The following COLGALT1 variants were observed in gnomAD, a reference collection of about 807,000 sequenced individuals.
The protein encoded by COLGALT1 is procollagen galactosyltransferase 1.
COLGALT1 carries 43 observed loss-of-function variants against 60.8 expected under a neutral mutation model. That is an observed-to-expected ratio of 0.71 (90% CI 0.55 to 0.91). The LOEUF is 0.91. COLGALT1 is among the 40% of genes least tolerant of loss of function. The pLI, the probability that COLGALT1 is intolerant of heterozygous loss-of-function variation, is 0.00. For missense variants in COLGALT1, 845 were observed against 880.0 expected, an observed-to-expected ratio of 0.96 and a Z score of 0.50; for synonymous variants, 369 against 374.2, an observed-to-expected ratio of 0.99 and a Z score of 0.16.
At chr19:17,565,686 A>G (rs2076276253) in intron 3 of COLGALT1, among the ~76,000 whole-genome samples, 1 of 152,112 alleles carries the variant, frequency 6.6e-6, no homozygotes, top group South Asian at 2.1e-4. Flanking sequence ...AAACAAACAA[A>G]CAAAGAAGCT....
chr19:17,558,534 TG>T (rs1440547288), intron 1 of COLGALT1, among the ~76,000 whole-genome samples: 1 of 150,332 alleles, frequency 6.7e-6, no homozygotes, highest in African/African-American at 2.4e-5. Context: ...AAAAATTAGC[TG>T]GGCATGGTGG....
chr19:17,568,596 T>G lies in COLGALT1; in HGVS notation c.712T>G (p.Phe238Val). The G allele has an allele frequency of 6.2e-7, 1 of 1,614,198 alleles. No individual in the cohort carries two copies. The highest frequency in any genetic ancestry group is 8.5e-7 in the Non-Finnish European group (1 of 1,180,026). ...TGCAGTTCCCATGGTGCACTCGACC[T>G]TCCTGATCGACCTGCGGAAGGCGGC... ...CFAVPMVHSTFLIDLRKAASR... is the reference protein window; with the variant it reads ...CFAVPMVHSTVLIDLRKAASR... Residue 238 changes from phenylalanine to valine, a missense_variant, in exon 5 of 12, where the codon TTC (phenylalanine) becomes GTC (valine). Coordinates refer to ENST00000252599, the MANE Select transcript of COLGALT1 (RefSeq NM_024656.4).
At chr19:17,576,809 GTTGAAGCTGTAGCCTGGGGTGTGGC>G (rs2076344650) in intron 6 of COLGALT1, among the ~76,000 whole-genome samples, 2 of 147,036 alleles carry the variant, frequency 1.4e-5, no homozygotes, top group Non-Finnish European at 1.5e-5. Context: ...TGGGGGGCAG[GTTGAAGCTGTAGCCTGGGGTGTGGC>G]CAGGGCTTAG....
rs775298201 is a variant in COLGALT1 at position 17,568,710 on chromosome 19, G to A, written c.826G>A (p.Ala276Thr). 11 of 1,614,168 alleles carry A rather than the reference G, an allele frequency of 6.8e-6. No homozygotes were observed. Among genetic ancestry groups the A allele is most frequent in the Non-Finnish European group, 9.3e-6 (11 of 1,180,028 alleles). Reference protein sequence around the residue: ...IIVFAFSCKQAEVQMYVCNKE... With the variant: ...IIVFAFSCKQTEVQMYVCNKE... ...CGTCTTTGCCTTCTCCTGCAAGCAGGCAGGTACGTACATGAGGGGTCTGCC... is the reference window on the plus strand; with the variant it reads ...CGTCTTTGCCTTCTCCTGCAAGCAGACAGGTACGTACATGAGGGGTCTGCC... Residue 276 changes from alanine (A) to threonine (T), a missense_variant, in exon 5 of 12, where the codon GCA becomes ACA. Coordinates refer to ENST00000252599, the MANE Select transcript of COLGALT1 (RefSeq NM_024656.4).
intron 1 of COLGALT1, among the ~76,000 whole-genome samples, chr19:17,557,829 C>T (rs772759038): frequency 1.7e-4 from 25 of 151,414 alleles, no homozygotes; most frequent in Non-Finnish European, 2.7e-4. Context: ...CTCGAACTCC[C>T]GAGCTCAAGT....
At position 17,560,462 on chromosome 19, in the gene COLGALT1, C is replaced by G; in HGVS notation, c.486C>G (p.Ile162Met). The G allele has an allele frequency of 6.2e-7, 1 of 1,613,482 alleles. No individual in the cohort carries two copies. The highest frequency in any genetic ancestry group is 8.5e-7 in the Non-Finnish European group (1 of 1,179,402). The change falls in exon 3 of 12, where the codon ATC (isoleucine) becomes ATG (methionine). Residue 162 changes from isoleucine (I) to methionine (M), a missense_variant. By Grantham distance (10) the Ile-to-Met change is conservative. Coordinates refer to ENST00000252599, the MANE Select transcript of COLGALT1 (RefSeq NM_024656.4). ...CTCGAGACATGTGGGCTGATTACAT[C>G]CTGGTAAGTTTCTCAGCCGGCCGGA... ...KSARDMWADYILFVDADNLIL... is the reference protein window; with the variant it reads ...KSARDMWADYMLFVDADNLIL...
Position 17,581,419 on chromosome 19 carries a change from A to C in COLGALT1, c.1844A>C (p.Asp615Ala). Residue 615 changes from aspartate to alanine, a missense_variant, in exon 12 of 12, where the codon GAC becomes GCC. Physicochemically the swap from Asp to Ala is moderately radical, Grantham distance 126. Transcript: ENST00000252599. ...KNSDVLQSPL[D>A]SAARDEL The stretch of plus-strand genomic sequence containing the variant: ...TCGGACGTGCTCCAGTCCCCACTGG[A>C]CAGTGCTGCCCGGGATGAACTCTGA... 2 of 1,610,516 alleles carry C rather than the reference A, an allele frequency of 1.2e-6. No individual in the cohort carries two copies. The highest frequency in any genetic ancestry group is 1.7e-6 in the Non-Finnish European group (2 of 1,179,870).
chr19:17,577,182 C>T lies in COLGALT1; in HGVS notation c.950-13C>T. On this transcript the variant is annotated splice_polypyrimidine_tract_variant and intron_variant, in intron 6 of 11. Coordinates refer to ENST00000252599, the MANE Select transcript of COLGALT1 (RefSeq NM_024656.4). ...CCTTACCCCAGCGACTCCTCAACGT[C>T]TGTGCCCCACAGTGAAGCACCCGCC... is the stretch of plus-strand genomic sequence containing the variant. The T allele has an allele frequency of 6.2e-7, 1 of 1,612,926 alleles. No homozygotes were observed. The highest frequency in any genetic ancestry group is 1.7e-5 in the Admixed American group (1 of 59,926).
At position 17,577,741 on chromosome 19, in the gene COLGALT1, G is replaced by A. The variant is rs140232605; in HGVS notation, c.1134-216G>A. ...GTAGACTGGTGGGGACTGTGGAGGG[G>A]TAAGTCAGTCAGACCCCAGGAGAGG... On this transcript the variant is annotated intron_variant, in intron 8 of 11. Transcript: ENST00000252599. Among the ~76,000 whole-genome samples the A allele has an allele frequency of 3.7e-3, 568 of 151,582 alleles. 3 individuals carry two copies. Among genetic ancestry groups the A allele is most frequent in the African/African-American group, 0.013 (544 of 41,258 alleles).
intron 5 of COLGALT1, among the ~76,000 whole-genome samples, chr19:17,571,198 A>T (rs546948419): frequency 6.6e-6 from 1 of 152,060 alleles, no homozygotes; most frequent in Admixed American, 6.5e-5. Context: ...TGGGTGGATC[A>T]CATGAGGTCA....
chr19:17,571,587 G>A (rs950168117), intron 5 of COLGALT1, among the ~76,000 whole-genome samples: 18 of 151,404 alleles, frequency 1.2e-4, no homozygotes, highest in East Asian at 7.8e-4. Flanking sequence ...GTGTGGTGGC[G>A]GGTGCCTGTA....
chr19:17,572,342 C>A, intron 5 of COLGALT1, 141 bp from the exon 6 acceptor site: 3 of 1,193,406 alleles, frequency 2.5e-6, no homozygotes, highest in Non-Finnish European at 3.6e-6. Context: ...TAAGGTCTTG[C>A]TCTGTTGCCC....
Position 17,564,900 on chromosome 19 carries a change from A to G in COLGALT1, c.490-2506A>G, listed in dbSNP as rs889855305. On this transcript the variant is annotated intron_variant, in intron 3 of 11. Transcript: ENST00000252599. Reference sequence around the variant, plus strand: ...ATCAGCAGTCACTCCCCAACTCCCCATTCCTCTCCCCTAGGCTCTGGCAGC... The same window carrying G: ...ATCAGCAGTCACTCCCCAACTCCCCGTTCCTCTCCCCTAGGCTCTGGCAGC... 2.6e-5 allele frequency among the ~76,000 whole-genome samples: 4 copies of G among 152,098 alleles called. No homozygotes were observed. In the East Asian group the frequency reaches 7.7e-4, roughly 29 times the overall value.
intron 8 of COLGALT1, 87 bp from the exon 9 acceptor site, chr19:17,577,870 C>T (rs568624265): frequency 1.2e-5 from 18 of 1,520,768 alleles, no homozygotes; most frequent in African/African-American, 1.1e-4. Flanking sequence ...AGCTGCTCAA[C>T]GCCGCAGGGG....
Position 17,580,908 on chromosome 19 carries a change from G to C in COLGALT1, c.1601+3G>C. The C allele has an allele frequency of 6.2e-7, 1 of 1,613,456 alleles. No individual in the cohort carries two copies. The highest frequency in any genetic ancestry group is 8.5e-7 in the Non-Finnish European group (1 of 1,180,002). On this transcript the variant is annotated splice_donor_region_variant and intron_variant, in intron 11 of 11. Transcript: ENST00000252599. ...GTCATGTTCGACAAACACCCAGTGT[G>C]AGAGGGGCAGGCGGCTGCTGGGCTG... is the stretch of plus-strand genomic sequence containing the variant.
Position 17,560,423 on chromosome 19 carries a change from A to T in COLGALT1, c.447A>T (p.Ala149=), listed in dbSNP as rs376062968. The change falls in exon 3 of 12, where the codon GCA becomes GCT. Residue 149 remains alanine, a synonymous_variant. Transcript: ENST00000252599. The stretch of plus-strand genomic sequence containing the variant: ...AGCATGTCATGAAGTTGCGCCAGGC[A>T]GCCCTGAAATCAGCTCGAGACATGT... ...RYEHVMKLRQ[A]ALKSARDMWA... 27 of 1,614,092 alleles carry T rather than the reference A, an allele frequency of 1.7e-5. No homozygotes were observed. In the African/African-American group the frequency reaches 3.6e-4, roughly 22 times the overall value.
Position 17,577,221 on chromosome 19 carries a change from C to A in COLGALT1, c.976C>A (p.Arg326Ser), listed in dbSNP as rs371286780. Residue 326 changes from arginine to serine, a missense_variant, in exon 7 of 12, where the codon CGC becomes AGC. Physicochemically the swap from Arg to Ser is moderately radical, Grantham distance 110. Coordinates refer to ENST00000252599, the MANE Select transcript of COLGALT1 (RefSeq NM_024656.4). ...GAAGCACCCGCCCGCAGAGCCCTCCCGCTTCATCTCGGCTCCCACCAAGAC... is the reference window on the plus strand; with the variant it reads ...GAAGCACCCGCCCGCAGAGCCCTCCAGCTTCATCTCGGCTCCCACCAAGAC... ...MVKHPPAEPSRFISAPTKTPD... is the reference protein window; with the variant it reads ...MVKHPPAEPSSFISAPTKTPD... 2 of 1,569,246 alleles carry A rather than the reference C, an allele frequency of 1.3e-6. No homozygotes were observed. Among genetic ancestry groups the A allele is most frequent in the Non-Finnish European group, 1.7e-6 (2 of 1,161,224 alleles).
chr19:17,560,491 G>A (rs746765196), intron 3 of COLGALT1, 26 bp downstream of exon 3: 4 of 1,585,622 alleles, frequency 2.5e-6, no homozygotes, highest in Non-Finnish European at 3.5e-6. Flanking sequence ...GGCCGGATAT[G>A]GATCACAGGC....
Position 17,567,468 on chromosome 19 carries a change from C to CAAGA in COLGALT1, c.553_556dup (p.Thr186LysfsTer74). 9 of 1,614,148 alleles carry CAAGA rather than the reference C, an allele frequency of 5.6e-6. No individual in the cohort carries two copies. Among genetic ancestry groups the CAAGA allele is most frequent in the Non-Finnish European group, 6.8e-6 (8 of 1,179,996 alleles). ...CACTGAGCCTGCTCATCGCTGAGAA[C>CAAGA]AAGACGGTGGTCGCCCCCATGCTGG... On this transcript the variant is annotated frameshift_variant, in exon 4 of 12. Coordinates refer to ENST00000252599, the MANE Select transcript of COLGALT1 (RefSeq NM_024656.4). LOFTEE classifies it high-confidence loss of function.
Sources: gnomAD v4.1 joint callset for allele counts (sites outside exome capture counted in the v4.1 genomes callset) on GRCh38, gnomAD v4.1.1 for gene constraint, MANE v1.5 for transcripts, NCBI Gene and HGNC (gene_info 2026-07-23, HGNC 2026-07-21) for gene names.